Variants in TESK2 observed in about 807,000 individuals in gnomAD.
TESK2 encodes dual specificity testis-specific protein kinase 2.
In TESK2, 39 loss-of-function variants were observed where a neutral mutation model predicts 57.1. That is an observed-to-expected ratio of 0.68 (90% CI 0.53 to 0.89). TESK2 has a LOEUF of 0.89. Among genes scored for constraint, TESK2 ranks in the 40% least tolerant of loss-of-function variants. The pLI, the probability that TESK2 is intolerant of heterozygous loss-of-function variation, is 0.00. For missense variants in TESK2, 646 were observed against 732.1 expected (o/e 0.88, Z 1.36); for synonymous variants, 249 against 267.9 (o/e 0.93, Z 0.69).
intron 4 of TESK2, among the ~76,000 whole-genome samples, chr1:45,384,603 T>TATTTTTTA (rs1304835271): frequency 1.6e-5 from 2 of 122,170 alleles, no homozygotes; most frequent in Admixed American, 8.7e-5. Flanking sequence ...ATTTTTTTTT[T>TATTTTTTA]TTTTTTTTTT....
intron 5 of TESK2, among the ~76,000 whole-genome samples, chr1:45,353,718 T>A (rs1033769390): frequency 6.6e-6 from 1 of 152,240 alleles, no homozygotes; most frequent in African/African-American, 2.4e-5. Flanking sequence ...TCATATTAGA[T>A]ATGTTAGATT....
intron 2 of TESK2, among the ~76,000 whole-genome samples, chr1:45,450,560 T>G (rs192024508): frequency 6.7e-6 from 1 of 150,194 alleles, no homozygotes; most frequent in Non-Finnish European, 1.5e-5. Context: ...AAATAAAAAA[T>G]TAAACTTCTA....
At chr1:45,421,589 A>T in intron 3 of TESK2, 136 bp downstream of exon 3, 2 of 1,232,790 alleles carry the variant, frequency 1.6e-6, no homozygotes, top group South Asian at 1.5e-5. Context: ...AACGACCTAG[A>T]GTACCACTAA....
chr1:45,380,692 T>C (rs574328137), intron 4 of TESK2, among the ~76,000 whole-genome samples: 2 of 152,234 alleles, frequency 1.3e-5, no homozygotes, highest in Non-Finnish European at 2.9e-5. Context: ...AATTTAACCA[T>C]TGAATTATAT....
At chr1:45,484,471 C>T (rs1653373456) in intron 1 of TESK2, among the ~76,000 whole-genome samples, 1 of 151,998 alleles carries the variant, frequency 6.6e-6, no homozygotes, top group African/African-American at 2.4e-5. Context: ...CGCGGTGGCT[C>T]ATGCCTGTAA....
chr1:45,358,006 TAAAAAAAAA>T (rs760610185), intron 4 of TESK2, among the ~76,000 whole-genome samples: 85 of 24,272 alleles, frequency 3.5e-3, no homozygotes, highest in African/African-American at 0.012. Flanking sequence ...AAACTCCGTC[TAAAAAAAAA>T]AAAAAAAAAA....
At chr1:45,425,872 C>T (rs898308228) in intron 2 of TESK2, among the ~76,000 whole-genome samples, 7 of 151,964 alleles carry the variant, frequency 4.6e-5, no homozygotes, top group Non-Finnish European at 1.0e-4. Context: ...GGGCCGGGTG[C>T]AGTAGCTTAT....
chr1:45,345,807 AGAG>A lies in TESK2; in HGVS notation c.997+67_997+69del, dbSNP rs1570630874. On this transcript the variant is annotated intron_variant, in intron 10 of 10. Transcript: ENST00000372086. ...TGGGATCCTGGCAATCACAACCCTA[AGAG>A]GAGAAGGCCCCACATCCGAATTTCC... 3.9e-6 allele frequency: 5 copies of A among 1,287,878 alleles called. No homozygotes were observed. In the East Asian group the frequency reaches 6.9e-5, roughly 18 times the overall value. 79.8% of individuals were successfully genotyped at this position (1,287,878 alleles called of 1,614,324 possible).
Position 45,345,976 on chromosome 1 carries a change from G to T in TESK2, c.898C>A (p.Pro300Thr). The change falls in exon 10 of 11, where the codon CCA (proline) becomes ACA (threonine). Residue 300 changes from proline to threonine, a missense_variant. Transcript: ENST00000372086. ...GTCTTCCCAATCTCCACAAAAGATG[G>T]GCGCAGTTTGGGATCCATCTGTAGG... ...NCCNMDPKLRPSFVEIGKTLE... is the reference protein window; with the variant it reads ...NCCNMDPKLRTSFVEIGKTLE... 6.2e-7 allele frequency: 1 copy of T among 1,614,058 alleles called. No individual in the cohort carries two copies. The highest frequency in any genetic ancestry group is 8.5e-7 in the Non-Finnish European group (1 of 1,179,970).
chr1:45,467,691 C>A (rs1298399709), intron 1 of TESK2, among the ~76,000 whole-genome samples: 1 of 151,868 alleles, frequency 6.6e-6, no homozygotes, highest in African/African-American at 2.4e-5. Context: ...CATGCTTAAG[C>A]CAAAACATTG....
chr1:45,433,842 C>T (rs1250717081), intron 2 of TESK2, among the ~76,000 whole-genome samples: 2 of 152,088 alleles, frequency 1.3e-5, no homozygotes, highest in Non-Finnish European at 2.9e-5. Context: ...CTATTTTTTA[C>T]TTTTTTGAGA....
chr1:45,377,214 C>A (rs144396006), intron 4 of TESK2, among the ~76,000 whole-genome samples: 6 of 151,342 alleles, frequency 4.0e-5, no homozygotes, highest in Admixed American at 2.6e-4. Flanking sequence ...AGCAGCAAGA[C>A]CTTGTCTCTT....
chr1:45,384,593 A>ATTTTTTTTTTTTTTTTTTTTTTTTT (rs59988269), intron 4 of TESK2, among the ~76,000 whole-genome samples: 2 of 70,866 alleles, frequency 2.8e-5, no homozygotes, highest in Non-Finnish European at 5.4e-5. Context: ...CTAATTATTA[A>ATTTTTTTTTTTTTTTTTTTTTTTTT]TTTTTTTTTT....
chr1:45,376,899 T>A (rs1288529815), intron 4 of TESK2, among the ~76,000 whole-genome samples: 1 of 152,164 alleles, frequency 6.6e-6, no homozygotes, highest in Non-Finnish European at 1.5e-5. Flanking sequence ...TGCTTGATGA[T>A]GATTATTCAG....
chr1:45,453,360 A>AG (rs1447427850), intron 2 of TESK2, among the ~76,000 whole-genome samples: 2 of 151,164 alleles, frequency 1.3e-5, no homozygotes, highest in Admixed American at 6.6e-5. Flanking sequence ...AAAAAAAAAA[A>AG]AAAGAGAGAG....
chr1:45,439,224 A>C (rs905997466), intron 2 of TESK2, among the ~76,000 whole-genome samples: 2 of 152,216 alleles, frequency 1.3e-5, no homozygotes, highest in African/African-American at 4.8e-5. Flanking sequence ...TTTGCATGAC[A>C]AACTGCATAT....
intron 2 of TESK2, among the ~76,000 whole-genome samples, chr1:45,441,743 G>A (rs544699092): frequency 2.7e-5 from 4 of 147,778 alleles, no homozygotes; most frequent in East Asian, 2.0e-4. Flanking sequence ...CTCAGCCTCC[G>A]AGTAGTGAGA....
intron 4 of TESK2, among the ~76,000 whole-genome samples, chr1:45,371,391 G>A (rs1648172646): frequency 6.6e-6 from 1 of 151,892 alleles, no homozygotes. Context: ...AACAAAGTAT[G>A]GTATATACAT....
intron 1 of TESK2, among the ~76,000 whole-genome samples, chr1:45,481,361 T>C (rs182369104): frequency 6.6e-6 from 1 of 151,472 alleles, no homozygotes; most frequent in Non-Finnish European, 1.5e-5. Flanking sequence ...CAACACTCCG[T>C]CTCAAAAAAA....
Sources: gnomAD v4.1 joint callset for allele counts (sites outside exome capture counted in the v4.1 genomes callset) on GRCh38, gnomAD v4.1.1 for gene constraint, MANE v1.5 for transcripts, NCBI Gene and HGNC (gene_info 2026-07-23, HGNC 2026-07-21) for gene names.